Variants in TNFRSF19 observed in about 807,000 individuals in gnomAD.
TNFRSF19 encodes TNF receptor superfamily member 19.
In TNFRSF19, 27 loss-of-function variants were observed where a neutral mutation model predicts 46.4. The observed-to-expected ratio is 0.58, with a 90% CI of 0.43 to 0.80. The LOEUF is 0.80. TNFRSF19 is among the 30% of genes least tolerant of loss of function. The pLI, the probability that TNFRSF19 is intolerant of heterozygous loss-of-function variation, is 0.00. For synonymous variants in TNFRSF19, 204 were observed against 205.0 expected, an observed-to-expected ratio of 1.00 and a Z score of 0.04; for missense variants, 511 against 530.8, an observed-to-expected ratio of 0.96 and a Z score of 0.37.
At position 23,597,343 on chromosome 13, in the gene TNFRSF19, C is replaced by T. The variant is rs191122451; in HGVS notation, c.180+3888C>T. ...TAAAAGATTAACAAAATAGATAGATCGCTAGCTAGACTAATAAAGATGAAA... is the reference window on the plus strand; with the variant it reads ...TAAAAGATTAACAAAATAGATAGATTGCTAGCTAGACTAATAAAGATGAAA... On this transcript the variant is annotated intron_variant, in intron 3 of 9. Transcript: ENST00000248484. 3.2e-3 allele frequency among the ~76,000 whole-genome samples: 487 copies of T among 151,540 alleles called. 2 individuals carry two copies. Among genetic ancestry groups the T allele is most frequent in the African/African-American group, 0.011 (444 of 41,322 alleles).
At chr13:23,665,702 A>G (rs982008086) in intron 7 of TNFRSF19, among the ~76,000 whole-genome samples, 5 of 152,202 alleles carry the variant, frequency 3.3e-5, no homozygotes, top group African/African-American at 1.2e-4. Flanking sequence ...TAGTACATCA[A>G]TGTTTGCTTC....
chr13:23,613,572 A>G (rs1463515555), intron 3 of TNFRSF19, among the ~76,000 whole-genome samples: 1 of 152,018 alleles, frequency 6.6e-6, no homozygotes, highest in South Asian at 2.1e-4. Context: ...GTTGTGTTTT[A>G]ACTCGTACAT....
At chr13:23,602,265 G>A (rs1311284594) in intron 3 of TNFRSF19, among the ~76,000 whole-genome samples, 1 of 152,036 alleles carries the variant, frequency 6.6e-6, no homozygotes, top group African/African-American at 2.4e-5. Flanking sequence ...CAGATGTCAG[G>A]GATAAAGATG....
Position 23,668,852 on chromosome 13 carries a change from A to T in TNFRSF19, c.1000A>T (p.Ile334Phe). 6.2e-7 allele frequency: 1 copy of T among 1,614,266 alleles called. No homozygotes were observed. The highest frequency in any genetic ancestry group is 1.1e-5 in the South Asian group (1 of 91,086). The change falls in exon 9 of 10, where the codon ATT (isoleucine) becomes TTT (phenylalanine). Residue 334 changes from isoleucine to phenylalanine, a missense_variant. Coordinates refer to ENST00000248484, the MANE Select transcript of TNFRSF19 (RefSeq NM_148957.4). ...DSYPELTGED[I>F]HSLNPELESS... The stretch of plus-strand genomic sequence containing the variant: ...TTATCCTGAACTCACTGGAGAAGAC[A>T]TTCATTCTCTCAATCCAGAACTTGA...
At chr13:23,670,131 A>G (rs975536688) in intron 9 of TNFRSF19, among the ~76,000 whole-genome samples, 5 of 152,208 alleles carry the variant, frequency 3.3e-5, no homozygotes, top group Non-Finnish European at 1.5e-5. Context: ...GAACGCTGAT[A>G]TGTTCCTTTT....
intron 3 of TNFRSF19, among the ~76,000 whole-genome samples, chr13:23,609,442 G>A (rs552144784): frequency 3.9e-5 from 6 of 152,212 alleles, no homozygotes; most frequent in African/African-American, 1.4e-4. Flanking sequence ...AACCACATTA[G>A]ACTTTTAATT....
chr13:23,597,739 T>G (rs1879841968), intron 3 of TNFRSF19, among the ~76,000 whole-genome samples: 1 of 152,186 alleles, frequency 6.6e-6, no homozygotes, highest in South Asian at 2.1e-4. Context: ...CCTCTCTAAC[T>G]CATTTTATGA....
chr13:23,637,172 T>G (rs1439056990), intron 5 of TNFRSF19, among the ~76,000 whole-genome samples: 1 of 152,166 alleles, frequency 6.6e-6, no homozygotes, highest in East Asian at 1.9e-4. Context: ...GGGACACAGA[T>G]GAAGGCCTGA....
rs577149234 is a variant in TNFRSF19 at position 23,649,765 on chromosome 13, C to T, written c.446-9285C>T. ...ATGTTGTGTTTTTACTTTTATTCAC[C>T]TCAAAGTATTTCCTAATTTTCTTTG... On this transcript the variant is annotated intron_variant, in intron 5 of 9. Transcript: ENST00000248484. Among the ~76,000 whole-genome samples, 9 of 152,154 alleles carry T rather than the reference C, an allele frequency of 5.9e-5. No individual in the cohort carries two copies. The South Asian group carries it at 1.9e-3, about 32-fold the overall frequency.
chr13:23,595,127 G>A (rs1879622335), intron 3 of TNFRSF19, among the ~76,000 whole-genome samples: 2 of 152,186 alleles, frequency 1.3e-5, no homozygotes, highest in Admixed American at 1.3e-4. Flanking sequence ...AAGACTAAAG[G>A]TAGATAAATC....
At chr13:23,654,922 C>A (rs1167178972) in intron 5 of TNFRSF19, among the ~76,000 whole-genome samples, 1 of 152,188 alleles carries the variant, frequency 6.6e-6, no homozygotes, top group African/African-American at 2.4e-5. Flanking sequence ...TTTTAGCCAC[C>A]TCTGTGGCTT....
intron 3 of TNFRSF19, among the ~76,000 whole-genome samples, chr13:23,604,975 A>G (rs1459596575): frequency 6.6e-6 from 1 of 152,240 alleles, no homozygotes; most frequent in Non-Finnish European, 1.5e-5. Flanking sequence ...GCTAGACTTA[A>G]TTAAAATTGA....
In TNFRSF19 at chr13:23,668,034, C is replaced by A. The variant is rs368392120; in HGVS notation, c.791C>A (p.Pro264Gln). 1 of 1,610,316 alleles carries A rather than the reference C, an allele frequency of 6.2e-7. No individual in the cohort carries two copies. The highest frequency in any genetic ancestry group is 1.7e-5 in the Admixed American group (1 of 59,612). The change falls in exon 8 of 10, where the codon CCG (proline) becomes CAG (glutamine). Residue 264 changes from proline (P) to glutamine (Q), a missense_variant. Pro to Gln is a moderately conservative substitution (Grantham distance 76, BLOSUM62 -1). Transcript: ENST00000248484. ...TGTGAGGAGGCCTGCAGCCCCAACC[C>A]GGCGACTCTTGGTTGTGGGGTGCAT... ...MCCEEACSPN[P>Q]ATLGCGVHSA...
intron 4 of TNFRSF19, among the ~76,000 whole-genome samples, chr13:23,623,949 G>C (rs771404259): frequency 2.0e-5 from 3 of 151,962 alleles, no homozygotes; most frequent in Non-Finnish European, 4.4e-5. Flanking sequence ...CTGATTTTAA[G>C]TTTAATATAG....
chr13:23,669,847 A>C, intron 9 of TNFRSF19: 7 of 380,836 alleles, frequency 1.8e-5, no homozygotes, highest in Non-Finnish European at 2.5e-5. Context: ...ATTTCCTTAA[A>C]TGGGAGTGCA....
intron 9 of TNFRSF19, among the ~76,000 whole-genome samples, chr13:23,671,986 G>A (rs1023329744): frequency 3.9e-5 from 6 of 152,162 alleles, no homozygotes; most frequent in African/African-American, 9.7e-5. Context: ...ATGTGGGCTC[G>A]TTCATAGCTC....
chr13:23,663,268 G>A (rs1043392758), intron 7 of TNFRSF19, among the ~76,000 whole-genome samples: 1 of 152,190 alleles, frequency 6.6e-6, no homozygotes, highest in Non-Finnish European at 1.5e-5. Context: ...CATCTATTGA[G>A]ATAATCATGT....
At chr13:23,635,330 T>C (rs1882612639) in intron 5 of TNFRSF19, among the ~76,000 whole-genome samples, 1 of 152,212 alleles carries the variant, frequency 6.6e-6, no homozygotes, top group Non-Finnish European at 1.5e-5. Context: ...TGAAGTCAAA[T>C]TTCAAACAGG....
chr13:23,627,014 G>A (rs1046024523), intron 5 of TNFRSF19, among the ~76,000 whole-genome samples: 1 of 152,150 alleles, frequency 6.6e-6, no homozygotes, highest in African/African-American at 2.4e-5. Flanking sequence ...AGAGTGGAGT[G>A]CAGACATTTT....
Sources: gnomAD v4.1 joint callset for allele counts (sites outside exome capture counted in the v4.1 genomes callset) on GRCh38, gnomAD v4.1.1 for gene constraint, MANE v1.5 for transcripts, NCBI Gene and HGNC (gene_info 2026-07-23, HGNC 2026-07-21) for gene names.